The following NALCN variants were observed in gnomAD, a reference collection of about 807,000 sequenced individuals.
NALCN encodes the protein sodium leak channel, non-selective, also known as sodium leak channel NALCN.
NALCN carries 111 observed loss-of-function variants against 225.3 expected under a neutral mutation model. The observed-to-expected ratio is 0.49, with a 90% confidence interval of 0.42 to 0.58. The LOEUF is 0.58. Ranked by LOEUF, NALCN falls within the 20% of genes least tolerant of loss-of-function variation. The pLI is 0.00. For synonymous variants in NALCN, 764 were observed against 769.0 expected, an observed-to-expected ratio of 0.99 and a Z score of 0.11; for missense variants, 1,378 against 2,202.4, an observed-to-expected ratio of 0.63 and a Z score of 7.49.
At chr13:101,208,823 C>A (rs2040418480) in intron 13 of NALCN, among the ~76,000 whole-genome samples, 1 of 152,184 alleles carries the variant, frequency 6.6e-6, no homozygotes, top group Non-Finnish European at 1.5e-5. Context: ...CTTTCACCTT[C>A]TGCCATGACT....
chr13:101,382,433 A>C (rs74120023), intron 3 of NALCN, among the ~76,000 whole-genome samples: 4 of 151,848 alleles, frequency 2.6e-5, no homozygotes, highest in Non-Finnish European at 5.9e-5. Flanking sequence ...TTTTTTTTTT[A>C]AGTTGGACAT....
intron 17 of NALCN, among the ~76,000 whole-genome samples, 188 bp from the exon 18 acceptor site, chr13:101,124,869 G>A (rs946050398): frequency 6.6e-6 from 1 of 152,106 alleles, no homozygotes; most frequent in African/African-American, 2.4e-5. Context: ...AACTTGTGGG[G>A]CCCCACGTCC....
chr13:101,135,005 T>C (rs1185738812), intron 17 of NALCN, among the ~76,000 whole-genome samples: 1 of 152,042 alleles, frequency 6.6e-6, no homozygotes, highest in Non-Finnish European at 1.5e-5. Context: ...CCATCCTGGC[T>C]AACACGGTGA....
rs1057336649 is a variant in NALCN at position 101,351,863 on chromosome 13, T to G, written c.645-6443A>C. Among the ~76,000 whole-genome samples the G allele has an allele frequency of 1.1e-4, 16 of 152,300 alleles. No homozygotes were observed. In the East Asian group the frequency reaches 3.1e-3, roughly 29 times the overall value. ...AAAGGCAATAGCTTAAGACTTCATG[T>G]TAAGATTCCTCTCTTCGTTATTCAC... On this transcript the variant is annotated intron_variant, in intron 6 of 43. Coordinates refer to ENST00000251127, the MANE Select transcript of NALCN (RefSeq NM_052867.4).
chr13:101,216,926 TA>T (rs1156586420), intron 13 of NALCN, among the ~76,000 whole-genome samples: 1 of 152,136 alleles, frequency 6.6e-6, no homozygotes, highest in Admixed American at 6.6e-5. Flanking sequence ...CTATATCAAA[TA>T]AATCATACTA....
intron 34 of NALCN, among the ~76,000 whole-genome samples, chr13:101,077,095 T>C (rs769973585): frequency 6.6e-6 from 1 of 152,192 alleles, no homozygotes; most frequent in South Asian, 2.1e-4. Context: ...TCACTCATAC[T>C]TCTTCCTGCC....
intron 20 of NALCN, 143 bp downstream of exon 20, chr13:101,110,476 C>G: frequency 1.2e-6 from 1 of 827,270 alleles, no homozygotes; most frequent in Non-Finnish European, 1.9e-6. Flanking sequence ...AATTCATATC[C>G]TGAGTTTCCT....
chr13:101,409,394 C>T (rs760933391), intron 1 of NALCN, among the ~76,000 whole-genome samples: 58 of 152,166 alleles, frequency 3.8e-4, no homozygotes, highest in Admixed American at 1.1e-3. Context: ...ACAGATCTCT[C>T]GAGCTCACTC....
At chr13:101,169,615 C>A (rs181593216) in intron 15 of NALCN, among the ~76,000 whole-genome samples, 5 of 152,310 alleles carry the variant, frequency 3.3e-5, no homozygotes, top group Non-Finnish European at 5.9e-5. Flanking sequence ...CTCATCCAAT[C>A]CACACCTAGA....
intron 15 of NALCN, among the ~76,000 whole-genome samples, chr13:101,158,334 C>T (rs1305238901): frequency 6.6e-6 from 1 of 152,194 alleles, no homozygotes. Flanking sequence ...TCCTTTAATC[C>T]TCTCCTGAAT....
intron 7 of NALCN, among the ~76,000 whole-genome samples, chr13:101,310,002 T>C (rs926920856): frequency 2.0e-5 from 3 of 152,170 alleles, no homozygotes; most frequent in Non-Finnish European, 4.4e-5. Flanking sequence ...TCTTTTCCTT[T>C]TAACACACAG....
At chr13:101,217,787 G>A (rs1019653598) in intron 13 of NALCN, among the ~76,000 whole-genome samples, 14 of 152,186 alleles carry the variant, frequency 9.2e-5, no homozygotes, top group Admixed American at 5.9e-4. Context: ...TCTACTCTGT[G>A]TCCAGCCCTA....
chr13:101,168,480 A>G (rs1245331433), intron 15 of NALCN, among the ~76,000 whole-genome samples: 1 of 152,156 alleles, frequency 6.6e-6, no homozygotes, highest in Non-Finnish European at 1.5e-5. Flanking sequence ...CAGCGCACTT[A>G]AAGAAATCTA....
chr13:101,148,574 A>T, intron 15 of NALCN, among the ~76,000 whole-genome samples: 1 of 152,226 alleles, frequency 6.6e-6, no homozygotes, highest in East Asian at 1.9e-4. Context: ...GTCGTTTGAC[A>T]CTATATTGTG....
chr13:101,299,763 C>T (rs1239322325), intron 7 of NALCN, among the ~76,000 whole-genome samples: 1 of 152,060 alleles, frequency 6.6e-6, no homozygotes, highest in Non-Finnish European at 1.5e-5. Flanking sequence ...TTGGTGAACT[C>T]TCAGTTTCTC....
chr13:101,289,550 A>G (rs1409536760), intron 9 of NALCN, among the ~76,000 whole-genome samples: 1 of 77,656 alleles, frequency 1.3e-5, no homozygotes, highest in African/African-American at 3.6e-5. Context: ...ATATATATAT[A>G]CACATATTTT....
At chr13:101,410,847 C>G (rs868477596) in intron 1 of NALCN, among the ~76,000 whole-genome samples, 1 of 152,174 alleles carries the variant, frequency 6.6e-6, no homozygotes, top group Non-Finnish European at 1.5e-5. Flanking sequence ...GCTCGATGAT[C>G]GGAAATTATT....
At chr13:101,287,637 TTAG>T (rs2043388982) in intron 9 of NALCN, among the ~76,000 whole-genome samples, 2 of 152,334 alleles carry the variant, frequency 1.3e-5, no homozygotes, top group South Asian at 4.1e-4. Context: ...ATGTTCTGAA[TTAG>T]TAGAATCTCA....
intron 13 of NALCN, among the ~76,000 whole-genome samples, chr13:101,218,936 G>A (rs1219203184): frequency 6.6e-6 from 1 of 152,014 alleles, no homozygotes; most frequent in Non-Finnish European, 1.5e-5. Context: ...AATATACTGT[G>A]GGTCTATATC....
Sources: gnomAD v4.1 joint callset for allele counts (sites outside exome capture counted in the v4.1 genomes callset) on GRCh38, gnomAD v4.1.1 for gene constraint, MANE v1.5 for transcripts, NCBI Gene and HGNC (gene_info 2026-07-23, HGNC 2026-07-21) for gene names.